Variants in VPS41 observed in about 807,000 individuals in gnomAD.
VPS41 encodes the protein VPS41 subunit of HOPS complex.
Under a neutral mutation model 130.9 loss-of-function variants are expected in VPS41, and 85 were observed. The ratio of observed to expected loss-of-function variants is 0.65; its 90% CI spans 0.55 to 0.78. The LOEUF is 0.78. Ranked by LOEUF, VPS41 falls within the 30% of genes least tolerant of loss-of-function variation. VPS41 has a pLI of 0.00. For synonymous variants in VPS41, 335 were observed against 332.9 expected (o/e 1.01, Z -0.07); for missense variants, 874 against 1,018.7 (o/e 0.86, Z 1.93).
At chr7:38,850,326 G>A (rs1424279552) in intron 4 of VPS41, among the ~76,000 whole-genome samples, 2 of 152,178 alleles carry the variant, frequency 1.3e-5, no homozygotes, top group Non-Finnish European at 2.9e-5. Flanking sequence ...CTGGGCATTT[G>A]ATGTTCTTCT....
rs551513798 is a variant in VPS41, at chr7:38,781,512, A to C, written c.785-4736T>G. Among the ~76,000 whole-genome samples, 4 of 152,200 alleles carry C rather than the reference A, an allele frequency of 2.6e-5. No individual in the cohort carries two copies. In the South Asian group the frequency reaches 8.3e-4, roughly 32 times the overall value. ...CTTCTGTTTCTCTGCATTTTCATGA[A>C]ATTTTTCTTGACATTGTCTATAGTA... On this transcript the variant is annotated intron_variant, in intron 10 of 28. Coordinates refer to ENST00000310301, the MANE Select transcript of VPS41 (RefSeq NM_014396.4).
chr7:38,821,340 C>T (rs1378411636), intron 5 of VPS41, 75 bp from the exon 6 acceptor site: 1 of 945,062 alleles, frequency 1.1e-6, no homozygotes, highest in South Asian at 1.4e-5. Flanking sequence ...TGAACACATA[C>T]TATCAATAAG....
At chr7:38,735,370 T>TA (rs1205675467) in intron 25 of VPS41, among the ~76,000 whole-genome samples, 3 of 152,116 alleles carry the variant, frequency 2.0e-5, no homozygotes, top group African/African-American at 7.2e-5. Flanking sequence ...AAAATAGAGA[T>TA]ATGGGAAATA....
chr7:38,776,728 C>T lies in VPS41; in HGVS notation c.833G>A (p.Cys278Tyr), dbSNP rs1396869702. The T allele has an allele frequency of 6.2e-7, 1 of 1,612,510 alleles. No homozygotes were observed. Among genetic ancestry groups the T allele is most frequent in the Admixed American group, 1.7e-5 (1 of 59,982 alleles). The part of the protein sequence containing the change: ...EFYISGLAPL[C>Y]DQLVVLSYVK... ...ATACGAAAGTACAACAAGCTGATCA[C>T]AGAGAGGTGCAAGTCCACTGATGTA... Residue 278 changes from cysteine to tyrosine, a missense_variant, in exon 11 of 29, where the codon TGT becomes TAT. Coordinates refer to ENST00000310301, the MANE Select transcript of VPS41 (RefSeq NM_014396.4).
chr7:38,871,169 C>T (rs980212644), intron 2 of VPS41, among the ~76,000 whole-genome samples: 2 of 149,958 alleles, frequency 1.3e-5, no homozygotes, highest in Non-Finnish European at 3.0e-5. Context: ...AGAAGCTCTG[C>T]AATAAGCAGG....
intron 2 of VPS41, among the ~76,000 whole-genome samples, chr7:38,889,190 GGAAA>G (rs61470813): frequency 0.28 from 41,882 of 151,408 alleles, 6,787 homozygotes; most frequent in South Asian, 0.45. Flanking sequence ...AGTTCCACAG[GGAAA>G]GAGAGTGGGA....
intron 25 of VPS41, among the ~76,000 whole-genome samples, chr7:38,729,731 G>C (rs1795619653): frequency 6.6e-6 from 1 of 152,074 alleles, no homozygotes. Flanking sequence ...AGAACTGGAG[G>C]CACGATGGGG....
At position 38,745,618 on chromosome 7, in the gene VPS41, A is replaced by T; in HGVS notation, c.1927-5T>A. On this transcript the variant is annotated splice_polypyrimidine_tract_variant and splice_region_variant and intron_variant, in intron 22 of 28. Coordinates refer to ENST00000310301, the MANE Select transcript of VPS41 (RefSeq NM_014396.4). ...CTGTTGACAGATCTCAAGAGCCTTC[A>T]ATTAAAGCAGGGTAAAAATGTTACT... The T allele has an allele frequency of 1.9e-6, 3 of 1,600,408 alleles. No individual in the cohort carries two copies. Among genetic ancestry groups the T allele is most frequent in the Non-Finnish European group, 2.6e-6 (3 of 1,175,920 alleles).
chr7:38,823,176 G>A (rs1785210170), intron 5 of VPS41, among the ~76,000 whole-genome samples: 1 of 152,188 alleles, frequency 6.6e-6, no homozygotes, highest in Non-Finnish European at 1.5e-5. Context: ...CCTCATAGGT[G>A]AGATTGGTGC....
intron 7 of VPS41, among the ~76,000 whole-genome samples, chr7:38,807,010 C>T (rs1024686387): frequency 2.6e-5 from 4 of 152,196 alleles, no homozygotes; most frequent in Non-Finnish European, 5.9e-5. Flanking sequence ...CAAGTCGTGG[C>T]AATGACCAAA....
chr7:38,736,504 T>C (rs919994200), intron 25 of VPS41, among the ~76,000 whole-genome samples: 2 of 152,370 alleles, frequency 1.3e-5, no homozygotes, highest in Admixed American at 6.5e-5. Context: ...GCAAATACCA[T>C]GTCCACCGCT....
chr7:38,880,817 C>T (rs1786588806), intron 2 of VPS41, among the ~76,000 whole-genome samples: 1 of 152,188 alleles, frequency 6.6e-6, no homozygotes, highest in South Asian at 2.1e-4. Context: ...AAAGCCTTGA[C>T]AGCATAGAAT....
intron 2 of VPS41, among the ~76,000 whole-genome samples, chr7:38,893,096 G>T (rs188542936): frequency 6.6e-6 from 1 of 152,018 alleles, no homozygotes; most frequent in Non-Finnish European, 1.5e-5. Context: ...AAACTTTTGG[G>T]TGGCTCCCCG....
At chr7:38,866,115 G>A (rs1316748340) in intron 3 of VPS41, among the ~76,000 whole-genome samples, 1 of 151,972 alleles carries the variant, frequency 6.6e-6, no homozygotes, top group African/African-American at 2.4e-5. Flanking sequence ...AGCAGAATGT[G>A]GTGTTGTGAA....
intron 4 of VPS41, among the ~76,000 whole-genome samples, chr7:38,854,155 A>G (rs1444040900): frequency 6.6e-6 from 1 of 152,224 alleles, no homozygotes; most frequent in African/African-American, 2.4e-5. Context: ...AAATATAGAA[A>G]ACAAGTTCTT....
At chr7:38,848,903 G>C (rs891238108) in intron 4 of VPS41, among the ~76,000 whole-genome samples, 2 of 152,150 alleles carry the variant, frequency 1.3e-5, no homozygotes, top group African/African-American at 4.8e-5. Context: ...ATGGGGTCAA[G>C]GGCTGGACAG....
intron 7 of VPS41, among the ~76,000 whole-genome samples, chr7:38,799,545 G>T (rs1409721492): frequency 6.6e-6 from 1 of 152,036 alleles, no homozygotes. Context: ...TTCATTGAGG[G>T]ATACGAAAGG....
intron 9 of VPS41, among the ~76,000 whole-genome samples, chr7:38,794,940 T>G (rs1038499584): frequency 6.6e-6 from 1 of 152,144 alleles, no homozygotes; most frequent in Non-Finnish European, 1.5e-5. Context: ...CCCAGGCGCA[T>G]AAGGGTCAGA....
At chr7:38,899,972 G>A (rs1272603887) in intron 1 of VPS41, among the ~76,000 whole-genome samples, 2 of 152,152 alleles carry the variant, frequency 1.3e-5, no homozygotes, top group Admixed American at 1.3e-4. Context: ...TCTGGGCTGG[G>A]CACAGTGGCT....
Sources: gnomAD v4.1 joint callset for allele counts (sites outside exome capture counted in the v4.1 genomes callset) on GRCh38, gnomAD v4.1.1 for gene constraint, MANE v1.5 for transcripts, NCBI Gene and HGNC (gene_info 2026-07-23, HGNC 2026-07-21) for gene names.